The following CERS6 variants were observed in gnomAD, a reference collection of about 807,000 sequenced individuals.
The protein encoded by CERS6 is ceramide synthase 6.
In CERS6, 26 loss-of-function variants were observed where a neutral mutation model predicts 56.8. The ratio of observed to expected loss-of-function variants is 0.46; its 90% confidence interval spans 0.34 to 0.63. CERS6 has a LOEUF of 0.63. Among genes scored for constraint, CERS6 ranks in the 30% least tolerant of loss-of-function variants. The pLI is 0.01. For missense variants in CERS6, 415 were observed against 467.5 expected (o/e 0.89, Z 1.04); for synonymous variants, 164 against 173.3 (o/e 0.95, Z 0.42).
chr2:168,585,420 G>A (rs1236612832), intron 3 of CERS6, among the ~76,000 whole-genome samples: 1 of 152,236 alleles, frequency 6.6e-6, no homozygotes, highest in East Asian at 1.9e-4. Flanking sequence ...TCCCTGAAAA[G>A]TATGGTCTAA....
chr2:168,659,677 A>G (rs1233643371), intron 4 of CERS6, among the ~76,000 whole-genome samples: 1 of 151,504 alleles, frequency 6.6e-6, no homozygotes, highest in Non-Finnish European at 1.5e-5. Context: ...TATTGTCTGT[A>G]TTGTCTGTTT....
chr2:168,598,559 C>T (rs1284000499), intron 3 of CERS6, among the ~76,000 whole-genome samples: 1 of 151,742 alleles, frequency 6.6e-6, no homozygotes, highest in Admixed American at 6.6e-5. Flanking sequence ...ACATGGTACT[C>T]GTAAACCCTA....
intron 3 of CERS6, among the ~76,000 whole-genome samples, chr2:168,599,640 T>G (rs1237081330): frequency 6.6e-6 from 1 of 152,222 alleles, no homozygotes; most frequent in Non-Finnish European, 1.5e-5. Flanking sequence ...TTGTTGACAT[T>G]CATTTGAGAT....
chr2:168,619,413 T>C (rs1008483149), intron 3 of CERS6, among the ~76,000 whole-genome samples: 3 of 151,684 alleles, frequency 2.0e-5, no homozygotes, highest in South Asian at 4.2e-4. Flanking sequence ...GCAGAGTAAA[T>C]AGAGCACCCA....
intron 3 of CERS6, among the ~76,000 whole-genome samples, chr2:168,580,908 A>G (rs1459168566): frequency 2.0e-5 from 3 of 152,032 alleles, no homozygotes; most frequent in African/African-American, 7.2e-5. Context: ...TTATCCCTGT[A>G]GGCTTCAAGA....
intron 8 of CERS6, among the ~76,000 whole-genome samples, chr2:168,763,178 CCTTTTTT>C (rs143489579): frequency 0.01 from 1,536 of 151,072 alleles, 25 homozygotes; most frequent in African/African-American, 0.034. Context: ...CCTAGCCTCT[CCTTTTTT>C]CTTTTTTCTT....
intron 4 of CERS6, among the ~76,000 whole-genome samples, chr2:168,661,073 T>A (rs1685617663): frequency 6.6e-6 from 1 of 152,106 alleles, no homozygotes; most frequent in African/African-American, 2.4e-5. Context: ...GGGCAGTTCA[T>A]ACACAGCCTG....
chr2:168,660,097 T>C (rs1685590510), intron 4 of CERS6, among the ~76,000 whole-genome samples: 1 of 152,216 alleles, frequency 6.6e-6, no homozygotes, highest in Admixed American at 6.5e-5. Flanking sequence ...GAAAATTCTC[T>C]ACATGTTTAC....
chr2:168,472,432 G>A (rs1402303751), intron 1 of CERS6, among the ~76,000 whole-genome samples: 1 of 152,130 alleles, frequency 6.6e-6, no homozygotes, highest in Non-Finnish European at 1.5e-5. Context: ...GGAATAGTAG[G>A]TTCCTTATAG....
At chr2:168,566,877 G>C (rs1193965341) in intron 3 of CERS6, among the ~76,000 whole-genome samples, 1 of 150,188 alleles carries the variant, frequency 6.7e-6, no homozygotes. Context: ...AGTTTTGCCA[G>C]AGAGAAAATT....
At chr2:168,710,262 T>C (rs1233393355) in intron 6 of CERS6, among the ~76,000 whole-genome samples, 1 of 152,218 alleles carries the variant, frequency 6.6e-6, no homozygotes, top group African/African-American at 2.4e-5. Context: ...ATGGTACTAA[T>C]CCTCCATAAG....
chr2:168,754,014 A>G (rs575752643), intron 8 of CERS6, among the ~76,000 whole-genome samples: 2 of 152,026 alleles, frequency 1.3e-5, no homozygotes, highest in Admixed American at 6.5e-5. Flanking sequence ...GGGGCGGGGT[A>G]TGGAATTTGG....
At chr2:168,737,022 A>G (rs559892410) in intron 8 of CERS6, among the ~76,000 whole-genome samples, 5 of 152,188 alleles carry the variant, frequency 3.3e-5, no homozygotes, top group Non-Finnish European at 7.4e-5. Context: ...TGGTGGCTGT[A>G]CCATCTCTTT....
intron 4 of CERS6, among the ~76,000 whole-genome samples, chr2:168,671,135 AT>A (rs1199093677): frequency 4.1e-5 from 6 of 147,944 alleles, no homozygotes; most frequent in South Asian, 2.2e-4. Flanking sequence ...TAATTTTTGT[AT>A]TTTTTTTTTC....
At chr2:168,754,674 C>T (rs778656755) in intron 8 of CERS6, among the ~76,000 whole-genome samples, 1 of 152,258 alleles carries the variant, frequency 6.6e-6, no homozygotes, top group Non-Finnish European at 1.5e-5. Flanking sequence ...GGGAAGCATT[C>T]TTCCTGTCTT....
intron 7 of CERS6, among the ~76,000 whole-genome samples, chr2:168,717,628 TATTAAATCTG>T (rs1384508386): frequency 2.0e-5 from 3 of 152,214 alleles, no homozygotes; most frequent in Admixed American, 6.5e-5. Context: ...CTGAATATTT[TATTAAATCTG>T]TAACAGTCAG....
chr2:168,534,762 G>A (rs1695229797), intron 1 of CERS6, among the ~76,000 whole-genome samples: 1 of 152,218 alleles, frequency 6.6e-6, no homozygotes, highest in Admixed American at 6.5e-5. Context: ...CTTGGTGGAA[G>A]GGGTGTGCCT....
In CERS6 at chr2:168,698,262, A is replaced by C. The variant is rs1327789180; in HGVS notation, c.609+3211A>C. ...AAAAAAAAAAAAAAAAAAGAAAAAAAAAAAAAAAAAAAAGAAACACCTGAG... is the reference window on the plus strand; with the variant it reads ...AAAAAAAAAAAAAAAAAAGAAAAAACAAAAAAAAAAAAAGAAACACCTGAG... On this transcript the variant is annotated intron_variant, in intron 6 of 9. Transcript: ENST00000305747. Among the ~76,000 whole-genome samples, 4 of 64,578 alleles carry C rather than the reference A, an allele frequency of 6.2e-5. No individual in the cohort carries two copies. In the East Asian group the frequency reaches 3.3e-3, roughly 54 times the overall value. The allele number at this position is 64,578 out of a possible 152,430, so 42.4% of individuals were successfully genotyped here. A position where few individuals can be genotyped will look rare whatever the true frequency, so the allele number is the denominator to read the frequency against.
chr2:168,702,943 T>A (rs1686840397), intron 6 of CERS6, among the ~76,000 whole-genome samples: 1 of 152,218 alleles, frequency 6.6e-6, no homozygotes, highest in Non-Finnish European at 1.5e-5. Flanking sequence ...TACACAGTTA[T>A]GAGAATCCAA....
Sources: gnomAD v4.1 joint callset for allele counts (sites outside exome capture counted in the v4.1 genomes callset) on GRCh38, gnomAD v4.1.1 for gene constraint, MANE v1.5 for transcripts, NCBI Gene and HGNC (gene_info 2026-07-23, HGNC 2026-07-21) for gene names.